The following DUSP22 variants were observed in gnomAD, a reference collection of about 807,000 sequenced individuals.
DUSP22 encodes dual specificity protein phosphatase 22.
In DUSP22, 24 loss-of-function variants were observed where a neutral mutation model predicts 24.5. The observed-to-expected ratio is 0.98, with a 90% CI of 0.71 to 1.38. The LOEUF is 1.38. Ranked by LOEUF, DUSP22 falls within the 40% of genes most tolerant of loss-of-function variation. The pLI is 0.00. For synonymous variants in DUSP22, 160 were observed against 106.4 expected, an observed-to-expected ratio of 1.50 and a Z score of -3.10; for missense variants, 330 against 269.2, an observed-to-expected ratio of 1.23 and a Z score of -1.58.
chr6:345,705 C>T (rs1435504301), intron 4 of DUSP22, 149 bp from the exon 5 acceptor site: 3 of 914,862 alleles, frequency 3.3e-6, no homozygotes, highest in African/African-American at 3.3e-5. Flanking sequence ...TGAAGTGTCA[C>T]ACTGTAGCCC....
intron 3 of DUSP22, among the ~76,000 whole-genome samples, chr6:318,533 G>A (rs1056100474): frequency 1.4e-4 from 22 of 152,210 alleles, no homozygotes; most frequent in Admixed American, 8.5e-4. Context: ...CAGCTCTCAG[G>A]ACCCCAGGGG....
At chr6:331,295 T>C (rs1472757385) in intron 3 of DUSP22, among the ~76,000 whole-genome samples, 1 of 152,308 alleles carries the variant, frequency 6.6e-6, no homozygotes, top group African/African-American at 2.4e-5. Flanking sequence ...AGACAACCCA[T>C]TTTATCTTTA....
At chr6:309,679 A>AACAG (rs1554099005) in intron 2 of DUSP22, among the ~76,000 whole-genome samples, 81 of 138,526 alleles carry the variant, frequency 5.8e-4, no homozygotes, top group African/African-American at 2.0e-3. Flanking sequence ...ACTCATGTAG[A>AACAG]ACACACACAC....
At chr6:330,147 C>T (rs753897452) in intron 3 of DUSP22, among the ~76,000 whole-genome samples, 39 of 152,400 alleles carry the variant, frequency 2.6e-4, no homozygotes, top group Non-Finnish European at 4.1e-4. Context: ...CCTGGGCTCA[C>T]CATACCGTCA....
At chr6:321,092 G>A (rs1344705568) in intron 3 of DUSP22, among the ~76,000 whole-genome samples, 6 of 152,306 alleles carry the variant, frequency 3.9e-5, no homozygotes, top group Admixed American at 2.0e-4. Flanking sequence ...AAAATCTGGT[G>A]TGGTCCTAAA....
chr6:298,208 A>G (rs1166451007), intron 1 of DUSP22, among the ~76,000 whole-genome samples: 1 of 152,308 alleles, frequency 6.6e-6, no homozygotes, highest in Non-Finnish European at 1.5e-5. Context: ...GGCCCAGGAG[A>G]GTATTCTCAT....
In DUSP22 at chr6:349,084, C is replaced by G. The variant is rs1243715988; in HGVS notation, c.*133C>G. 2.0e-6 allele frequency: 3 copies of G among 1,469,044 alleles called. No individual in the cohort carries two copies. The highest frequency in any genetic ancestry group is 2.7e-6 in the Non-Finnish European group (3 of 1,112,288). The allele number at this position is 1,469,044 out of a possible 1,614,324, so 91.0% of individuals were successfully genotyped here. A position where few individuals can be genotyped will look rare whatever the true frequency, so the allele number is the denominator to read the frequency against. On this transcript the variant is annotated 3_prime_UTR_variant, in exon 7 of 7. Coordinates refer to ENST00000419235, the MANE Select transcript of DUSP22 (RefSeq NM_001286555.3). ...GCGAGGTGGGGCGAGGGCTCCTTCC[C>G]CCAAGCAACACCGCCCAGCCCTGCT...
At position 311,971 on chromosome 6, in the gene DUSP22, G is replaced by A. The variant is rs367723213; in HGVS notation, c.138+9G>A. Reference sequence around the variant, plus strand: ...CCAGGCCTATGTTGGAGGTAAGAGAGCACCGTGGGGCGTGTGTGGGTGTCC... The same window carrying A: ...CCAGGCCTATGTTGGAGGTAAGAGAACACCGTGGGGCGTGTGTGGGTGTCC... On this transcript the variant is annotated intron_variant, in intron 3 of 6. Transcript: ENST00000419235. 1 of 1,608,744 alleles carries A rather than the reference G, an allele frequency of 6.2e-7. No homozygotes were observed. Among genetic ancestry groups the A allele is most frequent in the Non-Finnish European group, 8.5e-7 (1 of 1,177,188 alleles).
intron 4 of DUSP22, among the ~76,000 whole-genome samples, chr6:335,669 T>A (rs1759329177): frequency 6.6e-6 from 1 of 152,302 alleles, no homozygotes; most frequent in Admixed American, 6.5e-5. Flanking sequence ...GTACTCAATA[T>A]AAAAAATTAA....
chr6:293,013 C>T (rs546300536), intron 1 of DUSP22, among the ~76,000 whole-genome samples: 14 of 152,400 alleles, frequency 9.2e-5, no homozygotes, highest in African/African-American at 2.4e-4. Flanking sequence ...GTGTGTGTGC[C>T]TGTGAGCACA....
intron 4 of DUSP22, among the ~76,000 whole-genome samples, chr6:342,814 A>G (rs1463175992): frequency 6.6e-6 from 1 of 152,308 alleles, no homozygotes; most frequent in Non-Finnish European, 1.5e-5. Flanking sequence ...CAGCCTTTCC[A>G]TTGCTTCAAC....
chr6:322,817 T>G (rs1054884273), intron 3 of DUSP22, among the ~76,000 whole-genome samples: 1 of 107,004 alleles, frequency 9.3e-6, no homozygotes, highest in Admixed American at 1.1e-4. Context: ...TTCCGTGGGT[T>G]ATGGCTGCTT....
intron 3 of DUSP22, among the ~76,000 whole-genome samples, chr6:319,575 C>G (rs1019966521): frequency 6.6e-6 from 1 of 152,300 alleles, no homozygotes; most frequent in Non-Finnish European, 1.5e-5. Context: ...CACAGATGCC[C>G]GGGGGATACA....
At chr6:317,448 T>C (rs1758384913) in intron 3 of DUSP22, among the ~76,000 whole-genome samples, 2 of 152,428 alleles carry the variant, frequency 1.3e-5, no homozygotes, top group South Asian at 4.1e-4. Flanking sequence ...TTTCCTCTCT[T>C]CCCACCCTCT....
At chr6:321,045 G>T (rs1758565830) in intron 3 of DUSP22, among the ~76,000 whole-genome samples, 1 of 152,426 alleles carries the variant, frequency 6.6e-6, no homozygotes, top group African/African-American at 2.4e-5. Flanking sequence ...GGCTAACACT[G>T]CAGGGCAGAC....
chr6:343,844 T>C (rs1311717761), intron 4 of DUSP22, among the ~76,000 whole-genome samples: 1 of 152,308 alleles, frequency 6.6e-6, no homozygotes, highest in African/African-American at 2.4e-5. Flanking sequence ...CTCATTCTTA[T>C]TACATTCATG....
intron 1 of DUSP22, among the ~76,000 whole-genome samples, chr6:296,905 G>A (rs1409912740): frequency 6.6e-6 from 1 of 152,298 alleles, no homozygotes; most frequent in African/African-American, 2.4e-5. Context: ...CTGGTCTTGT[G>A]GCCTCTTCCT....
chr6:317,295 C>T (rs1328887218), intron 3 of DUSP22, among the ~76,000 whole-genome samples: 1 of 152,308 alleles, frequency 6.6e-6, no homozygotes, highest in African/African-American at 2.4e-5. Flanking sequence ...CTGGAGGGAC[C>T]CTGGTTTCCT....
Position 333,224 on chromosome 6 carries a change from G to A in DUSP22, c.139-1890G>A, listed in dbSNP as rs917089824. Among the ~76,000 whole-genome samples the A allele has an allele frequency of 1.8e-4, 27 of 152,404 alleles. No homozygotes were observed. The East Asian group carries it at 4.4e-3, about 25-fold the overall frequency. ...GGCAACTGGGGATAACAAAGTGAAG[G>A]CAAAGGAGGGAGAAGCTGCTGCCTC... is the stretch of plus-strand genomic sequence containing the variant. On this transcript the variant is annotated intron_variant, in intron 3 of 6. Coordinates refer to ENST00000419235, the MANE Select transcript of DUSP22 (RefSeq NM_001286555.3).
Sources: allele counts gnomAD v4.1 joint callset (sites outside exome capture counted in the v4.1 genomes callset), GRCh38; gene constraint gnomAD v4.1.1; transcripts MANE v1.5; gene names NCBI Gene and HGNC (gene_info 2026-07-23, HGNC 2026-07-21).